The following CKAP2 variants were observed in gnomAD, a reference collection of about 807,000 sequenced individuals.
CKAP2 encodes cytoskeleton associated protein 2.
In CKAP2, 46 loss-of-function variants were observed where a neutral mutation model predicts 58.4. The observed-to-expected ratio is 0.79, with a 90% CI of 0.62 to 1.01. The LOEUF (loss-of-function observed/expected upper bound fraction) is 1.01, where lower values mean the gene tolerates loss of function less well. CKAP2 is among the 50% of genes least tolerant of loss of function. The probability of loss-of-function intolerance (pLI) is 0.00; values close to 1 mark genes in which losing one functional copy is unlikely to be tolerated. For synonymous variants in CKAP2, 293 were observed against 280.9 expected (o/e 1.04, Z -0.43); for missense variants, 809 against 796.4 (o/e 1.02, Z -0.19).
intron 6 of CKAP2, among the ~76,000 whole-genome samples, chr13:52,466,566 T>C (rs1256881684): frequency 2.0e-5 from 3 of 152,154 alleles, no homozygotes; most frequent in Non-Finnish European, 4.4e-5. Context: ...TTAAGGCAGC[T>C]AAGGACATTG....
chr13:52,462,037 C>G, intron 4 of CKAP2, 111 bp downstream of exon 4: 1 of 1,047,536 alleles, frequency 9.5e-7, no homozygotes, highest in Non-Finnish European at 1.3e-6. Flanking sequence ...GGTTTCTCTT[C>G]TGTCATATGC....
chr13:52,470,114 T>TC (rs1958741297), intron 7 of CKAP2, among the ~76,000 whole-genome samples: 1 of 149,034 alleles, frequency 6.7e-6, no homozygotes, highest in African/African-American at 2.5e-5. Context: ...ACTTTTTCTT[T>TC]TTTTTTTTTT....
chr13:52,471,113 G>A (rs138955602), intron 7 of CKAP2, among the ~76,000 whole-genome samples: 127 of 151,820 alleles, frequency 8.4e-4, no homozygotes, highest in East Asian at 6.8e-3. Flanking sequence ...AGCCAAGATC[G>A]CACCACTGCA....
Position 52,460,897 on chromosome 13 carries a change from A to C in CKAP2, c.156-2A>C, listed in dbSNP as rs1958562540. ...TCATTTTGTTTGTTTGTTTTTAAGT[A>C]GTAGAGATCAGAGAGTTGTGACATC... On this transcript the variant is annotated splice_acceptor_variant, in intron 2 of 8. Transcript: ENST00000258607. LOFTEE classifies it high-confidence loss of function. 1 of 1,612,454 alleles carries C rather than the reference A, an allele frequency of 6.2e-7. No individual in the cohort carries two copies. The highest frequency in any genetic ancestry group is 2.2e-5 in the East Asian group (1 of 44,716).
Position 52,468,339 on chromosome 13 carries a change from C to T in CKAP2, c.1538C>T (p.Ala513Val). 1 of 1,586,408 alleles carries T rather than the reference C, an allele frequency of 6.3e-7. No individual in the cohort carries two copies. The change falls in exon 7 of 9, where the codon GCT (alanine) becomes GTT (valine). Residue 513 changes from alanine to valine, a missense_variant. Coordinates refer to ENST00000258607, the MANE Select transcript of CKAP2 (RefSeq NM_018204.5). ...CTAACAATGAAGAGTCAAGAAAAAG[C>T]TAATTTAGGTAAGTTTTAGTTATTT... ...DILTMKSQEKANLGENMEKSC... is the reference protein window; with the variant it reads ...DILTMKSQEKVNLGENMEKSC...
intron 1 of CKAP2, chr13:52,455,966 A>G: frequency 5.4e-6 from 6 of 1,106,738 alleles, no homozygotes; most frequent in Non-Finnish European, 6.6e-6. Flanking sequence ...AGGTTCAGGG[A>G]CCGACTGCGC....
chr13:52,458,147 G>A (rs1958517178), intron 2 of CKAP2, among the ~76,000 whole-genome samples: 1 of 152,138 alleles, frequency 6.6e-6, no homozygotes, highest in Non-Finnish European at 1.5e-5. Context: ...AAGACAAAAA[G>A]GTGATCCTAG....
At chr13:52,455,712 G>C in intron 1 of CKAP2, 86 bp downstream of exon 1, 1 of 1,341,816 alleles carries the variant, frequency 7.5e-7, no homozygotes. Flanking sequence ...GGCCGCGCTG[G>C]CGCGCTTCAC....
intron 8 of CKAP2, among the ~76,000 whole-genome samples, 164 bp downstream of exon 8, chr13:52,474,248 G>T (rs1286756266): frequency 6.6e-6 from 1 of 152,172 alleles, no homozygotes; most frequent in Non-Finnish European, 1.5e-5. Context: ...CACTTTGGGA[G>T]GCCGAAGCAG....
Position 52,473,831 on chromosome 13 carries a change from G to A in CKAP2, c.1549G>A (p.Glu517Lys), listed in dbSNP as rs41292820. 5.8e-3 allele frequency: 9,255 copies of A among 1,596,458 alleles called. 37 individuals carry two copies. The highest frequency in any genetic ancestry group is 6.6e-3 in the Non-Finnish European group (7,789 of 1,173,368). Residue 517 changes from glutamate to lysine, a missense_variant and splice_region_variant, in exon 8 of 9, where the codon GAA (glutamate) becomes AAA (lysine). Physicochemically the swap from Glu to Lys is moderately conservative, Grantham distance 56. Coordinates refer to ENST00000258607, the MANE Select transcript of CKAP2 (RefSeq NM_018204.5). ...ATCTATAAATGTATTTTCTATAGGA[G>A]AAAATATGGAGAAGTCTTGTGCAAG... is the stretch of plus-strand genomic sequence containing the variant. ...MKSQEKANLG[E>K]NMEKSCASKE...
At chr13:52,465,936 T>C (rs897154466) in intron 6 of CKAP2, 8 of 303,494 alleles carry the variant, frequency 2.6e-5, no homozygotes, top group African/African-American at 1.7e-4. Context: ...TATACACACA[T>C]ATATATACAC....
chr13:52,458,763 A>G (rs1308766702), intron 2 of CKAP2, among the ~76,000 whole-genome samples: 1 of 152,088 alleles, frequency 6.6e-6, no homozygotes, highest in Non-Finnish European at 1.5e-5. Context: ...GGGCCGAGGC[A>G]GAAGAATCGC....
intron 6 of CKAP2, among the ~76,000 whole-genome samples, chr13:52,467,360 A>G (rs539408699): frequency 5.9e-5 from 9 of 152,322 alleles, no homozygotes; most frequent in African/African-American, 2.2e-4. Context: ...AAATATAACC[A>G]TAGACTTAAA....
At chr13:52,456,186 T>A in intron 1 of CKAP2, 1 of 1,061,280 alleles carries the variant, frequency 9.4e-7, no homozygotes. Flanking sequence ...TCTGGTAAAT[T>A]AGAACTTTCG....
intron 7 of CKAP2, among the ~76,000 whole-genome samples, chr13:52,471,918 T>C (rs1958766295): frequency 6.6e-6 from 1 of 152,186 alleles, no homozygotes; most frequent in Non-Finnish European, 1.5e-5. Context: ...GCAACCAAAA[T>C]GTTCTGTCAC....
intron 5 of CKAP2, among the ~76,000 whole-genome samples, chr13:52,463,227 T>C (rs981786870): frequency 6.6e-6 from 1 of 152,108 alleles, no homozygotes; most frequent in South Asian, 2.1e-4. Context: ...TGTGAGCCAC[T>C]GCGCTCGGCC....
Position 52,461,729 on chromosome 13 carries a change from C to T in CKAP2, c.903C>T (p.Thr301=), listed in dbSNP as rs771049991. 2 of 1,613,586 alleles carry T rather than the reference C, an allele frequency of 1.2e-6. No homozygotes were observed. Among genetic ancestry groups the T allele is most frequent in the East Asian group, 2.2e-5 (1 of 44,888 alleles). Residue 301 remains threonine (T), a synonymous_variant, in exon 4 of 9, where the codon ACC becomes ACT. Coordinates refer to ENST00000258607, the MANE Select transcript of CKAP2 (RefSeq NM_018204.5). ...AAACAGCTTTATCTAGTGTCAAAAC[C>T]AGTTCTTCTCAAGGTATAATAAGAA... is the stretch of plus-strand genomic sequence containing the variant. ...QSKTALSSVK[T]SSSQGIIRNK...
At chr13:52,465,045 C>A (rs183748944) in intron 5 of CKAP2, among the ~76,000 whole-genome samples, 13 of 152,058 alleles carry the variant, frequency 8.5e-5, no homozygotes, top group African/African-American at 2.7e-4. Flanking sequence ...AAAAAAACTC[C>A]GCAGACTATT....
chr13:52,466,592 A>G (rs1448345944), intron 6 of CKAP2, among the ~76,000 whole-genome samples: 1 of 152,242 alleles, frequency 6.6e-6, no homozygotes, highest in Non-Finnish European at 1.5e-5. Context: ...AGGATGCAAA[A>G]CTGGAGCCAA....
Sources: allele counts gnomAD v4.1 joint callset (sites outside exome capture counted in the v4.1 genomes callset), GRCh38; gene constraint gnomAD v4.1.1; transcripts MANE v1.5; gene names NCBI Gene and HGNC (gene_info 2026-07-23, HGNC 2026-07-21).